Variants in FAM110A observed in about 807,000 individuals in gnomAD.
FAM110A encodes family with sequence similarity 110 member A, also known as protein FAM110A.
FAM110A carries 1 observed loss-of-function variant against 4.0 expected under a neutral mutation model. The ratio of observed to expected loss-of-function variants is 0.25; its 90% confidence interval spans 0.09 to 1.20. The LOEUF (loss-of-function observed/expected upper bound fraction) is 1.20. FAM110A is among the 50% of genes most tolerant of loss of function. The probability of loss-of-function intolerance (pLI) is 0.50; values close to 1 mark genes in which losing one functional copy is unlikely to be tolerated. For missense variants in FAM110A, 436 were observed against 429.2 expected (o/e 1.02, Z -0.14); for synonymous variants, 217 against 196.8 (o/e 1.10, Z -0.86).
At chr20:844,655 CTT>C (rs1980151832) in intron 1 of FAM110A, 51 bp from the exon 2 acceptor site, 2 of 1,288,618 alleles carry the variant, frequency 1.6e-6, no homozygotes, top group Non-Finnish European at 2.0e-6. Flanking sequence ...GGCTGAGCCT[CTT>C]TGTCTGAGCG....
chr20:835,031 A>G (rs537997431), intron 1 of FAM110A, among the ~76,000 whole-genome samples: 2 of 152,210 alleles, frequency 1.3e-5, no homozygotes, highest in East Asian at 3.9e-4. Context: ...GGGCTGAGGC[A>G]ATTGAGCCAG....
Position 845,239 on chromosome 20 carries a change from G to A in FAM110A, c.435G>A (p.Pro145=). 14 of 1,525,970 alleles carry A rather than the reference G, an allele frequency of 9.2e-6. No homozygotes were observed. The highest frequency in any genetic ancestry group is 1.2e-5 in the Non-Finnish European group (14 of 1,138,720). 94.5% of individuals were successfully genotyped at this position (1,525,970 alleles called of 1,614,324 possible). A position where few individuals can be genotyped will look rare whatever the true frequency, so the allele number is the denominator to read the frequency against. ...RPPPATPPRP[P]PSTSAVRRVD... is the part of the protein sequence containing the mutation. Reference sequence around the variant, plus strand: ...CCCCAGCCACCCCTCCGCGACCGCCGCCCAGTACCTCTGCGGTCCGCCGGG... The same window carrying A: ...CCCCAGCCACCCCTCCGCGACCGCCACCCAGTACCTCTGCGGTCCGCCGGG... The change falls in exon 2 of 2, where the codon CCG becomes CCA. Residue 145 remains proline, a synonymous_variant. Coordinates refer to ENST00000381941, the MANE Select transcript of FAM110A (RefSeq NM_001042353.3).
At position 841,527 on chromosome 20, in the gene FAM110A, C is replaced by T. The variant is rs1979912941; in HGVS notation, c.-97-3181C>T. 2.0e-5 allele frequency among the ~76,000 whole-genome samples: 3 copies of T among 152,200 alleles called. No homozygotes were observed. In the South Asian group the frequency reaches 6.2e-4, roughly 31 times the overall value. The stretch of plus-strand genomic sequence containing the variant: ...CGCCCTGCTAGCCGACCCCCCATCC[C>T]CCGCCACCGGGAGTCCTCAAGCTTT... On this transcript the variant is annotated intron_variant, in intron 1 of 1. Transcript: ENST00000381941.
At chr20:838,351 A>G (rs1252313461) in intron 1 of FAM110A, among the ~76,000 whole-genome samples, 4 of 152,194 alleles carry the variant, frequency 2.6e-5, no homozygotes, top group Non-Finnish European at 5.9e-5. Flanking sequence ...CATTTAATAT[A>G]TACCTCTTGA....
intron 1 of FAM110A, among the ~76,000 whole-genome samples, chr20:841,863 CTGT>C (rs1310280818): frequency 1.3e-5 from 2 of 152,246 alleles, no homozygotes; most frequent in African/African-American, 4.8e-5. Flanking sequence ...TGACGTGGGG[CTGT>C]TGAGGTCAGC....
At position 845,527 on chromosome 20, in the gene FAM110A, G is replaced by C; in HGVS notation, c.723G>C (p.Pro241=). 1.2e-6 allele frequency: 2 copies of C among 1,612,490 alleles called. No individual in the cohort carries two copies. The highest frequency in any genetic ancestry group is 1.7e-6 in the Non-Finnish European group (2 of 1,179,372). ...CCCTGGCAGGGCCCAGTGCTGGGCC[G>C]GGCAGCTCTGAAGGGGGCTGCTCCC... ...IVSLAGPSAG[P]GSSEGGCSRR... is the part of the protein sequence containing the mutation. The change falls in exon 2 of 2, where the codon CCG becomes CCC. Residue 241 remains proline, a synonymous_variant. Coordinates refer to ENST00000381941, the MANE Select transcript of FAM110A (RefSeq NM_001042353.3).
At position 846,073 on chromosome 20, in the gene FAM110A, TG is replaced by T; in HGVS notation, c.*383del. On this transcript the variant is annotated 3_prime_UTR_variant, in exon 2 of 2. Coordinates refer to ENST00000381941, the MANE Select transcript of FAM110A (RefSeq NM_001042353.3). ...CGGCTCTGTTTCCTCCTTCCTTCCT[TG>T]GCCTCTGTCCTTTGCTGACTTCCTC... is the stretch of plus-strand genomic sequence containing the variant. 3.9e-6 allele frequency: 1 copy of T among 258,686 alleles called. No homozygotes were observed. Among genetic ancestry groups the T allele is most frequent in the South Asian group, 4.5e-5 (1 of 22,230 alleles). The allele number at this position is 258,686 out of a possible 1,614,324, so 16.0% of individuals were successfully genotyped here. A position where few individuals can be genotyped will look rare whatever the true frequency, so the allele number is the denominator to read the frequency against.
intron 1 of FAM110A, among the ~76,000 whole-genome samples, chr20:837,011 T>G (rs1979607340): frequency 6.6e-6 from 1 of 151,968 alleles, no homozygotes; most frequent in Admixed American, 6.6e-5. Flanking sequence ...ATTTGTTATC[T>G]TTGGAGAAAT....
chr20:839,704 C>T, intron 1 of FAM110A: 1 of 1,252,222 alleles, frequency 8.0e-7, no homozygotes, highest in Non-Finnish European at 1.2e-6. Context: ...TGTAGGGTGG[C>T]AGGAACAATC....
At chr20:835,045 A>G (rs1055476720) in intron 1 of FAM110A, among the ~76,000 whole-genome samples, 2 of 152,046 alleles carry the variant, frequency 1.3e-5, no homozygotes, top group African/African-American at 4.8e-5. Context: ...GAGCCAGTGC[A>G]AAATTTAGGG....
Position 845,470 on chromosome 20 carries a change from C to T in FAM110A, c.666C>T (p.Ala222=), listed in dbSNP as rs1366565080. 6.2e-7 allele frequency: 1 copy of T among 1,613,234 alleles called. No homozygotes were observed. Among genetic ancestry groups the T allele is most frequent in the Non-Finnish European group, 8.5e-7 (1 of 1,179,658 alleles). Reference sequence around the variant, plus strand: ...AGGAGGCGAGAGGGTTGGGTGTGGCCCACCTGGCACGGGCCAGCTCGGATA... The same window carrying T: ...AGGAGGCGAGAGGGTTGGGTGTGGCTCACCTGGCACGGGCCAGCTCGGATA... ...DPEEARGLGV[A]HLARASSDIV... The change falls in exon 2 of 2, where the codon GCC becomes GCT. Residue 222 remains alanine (A), a synonymous_variant. Transcript: ENST00000381941.
Position 844,855 on chromosome 20 carries a change from T to C in FAM110A, c.51T>C (p.Pro17=). ...GAGCCCCGTCCGCCCCCGCCCTACC[T>C]TGCCGCCTGCGGACCAGGGTCCCTG... ...SPGAPSAPAL[P]CRLRTRVPGY... is the part of the protein sequence containing the mutation. Residue 17 remains proline, a synonymous_variant, in exon 2 of 2, where the codon CCT becomes CCC. Transcript: ENST00000381941. 1.8e-5 allele frequency: 28 copies of C among 1,536,128 alleles called. No individual in the cohort carries two copies. Among genetic ancestry groups the C allele is most frequent in the Non-Finnish European group, 2.3e-5 (26 of 1,140,718 alleles).
intron 1 of FAM110A, among the ~76,000 whole-genome samples, chr20:844,374 C>T (rs2122694650): frequency 6.6e-6 from 1 of 152,364 alleles, no homozygotes; most frequent in East Asian, 1.9e-4. Flanking sequence ...TGGTGCGTAG[C>T]ACAGAGCCTG....
At chr20:839,933 A>G in intron 1 of FAM110A, 2 of 1,563,012 alleles carry the variant, frequency 1.3e-6, no homozygotes, top group East Asian at 2.2e-5. Flanking sequence ...CCTCCTTAAA[A>G]AGGAGTTCAT....
Position 845,513 on chromosome 20 carries a change from C to A in FAM110A, c.709C>A (p.Pro237Thr), listed in dbSNP as rs1189010077. ...ASSDIVSLAG[P>T]SAGPGSSEGG... ...CTCGGATATCGTGTCCCTGGCAGGG[C>A]CCAGTGCTGGGCCGGGCAGCTCTGA... Residue 237 changes from proline (P) to threonine (T), a missense_variant, in exon 2 of 2, where the codon CCC becomes ACC. Transcript: ENST00000381941. 2 of 1,612,320 alleles carry A rather than the reference C, an allele frequency of 1.2e-6. No homozygotes were observed. Among genetic ancestry groups the A allele is most frequent in the Non-Finnish European group, 1.7e-6 (2 of 1,179,268 alleles).
At chr20:841,127 G>T in intron 1 of FAM110A, 1 of 152,390 alleles carries the variant, frequency 6.6e-6, no homozygotes, top group Middle Eastern at 3.4e-3. Flanking sequence ...CAGTTCCTGA[G>T]CCAGGCCAGC....
Position 844,716 on chromosome 20 carries a change from G to A in FAM110A, c.-89G>A, listed in dbSNP as rs929242040. ...TCTCTCCTTCCCTGCAGCAGTGGCC[G>A]GTGTCCAGCTGCCTACTTTCTGCCC... On this transcript the variant is annotated 5_prime_UTR_variant, in exon 2 of 2. Coordinates refer to ENST00000381941, the MANE Select transcript of FAM110A (RefSeq NM_001042353.3). 5 of 1,321,968 alleles carry A rather than the reference G, an allele frequency of 3.8e-6. No homozygotes were observed. The highest frequency in any genetic ancestry group is 4.8e-6 in the Non-Finnish European group (5 of 1,038,010). 81.9% of individuals were successfully genotyped at this position (1,321,968 alleles called of 1,614,324 possible). A position where few individuals can be genotyped will look rare whatever the true frequency, so the allele number is the denominator to read the frequency against.
chr20:835,209 T>TAC (rs1979515647), intron 1 of FAM110A, among the ~76,000 whole-genome samples: 1 of 149,760 alleles, frequency 6.7e-6, no homozygotes, highest in East Asian at 1.9e-4. Flanking sequence ...TCTATATATA[T>TAC]ATATACACAC....
At chr20:838,215 T>G (rs1979684699) in intron 1 of FAM110A, among the ~76,000 whole-genome samples, 1 of 152,218 alleles carries the variant, frequency 6.6e-6, no homozygotes. Flanking sequence ...TCTGATACCA[T>G]GTACTAAGAA....
Sources: allele counts gnomAD v4.1 joint callset (sites outside exome capture counted in the v4.1 genomes callset), GRCh38; gene constraint gnomAD v4.1.1; transcripts MANE v1.5; gene names NCBI Gene and HGNC (gene_info 2026-07-23, HGNC 2026-07-21).